TERT: variants seen among roughly 807,000 people sequenced by gnomAD.
TERT encodes the protein telomerase catalytic subunit.
In TERT, 42 loss-of-function variants were observed where a neutral mutation model predicts 104.0. The ratio of observed to expected loss-of-function variants is 0.40; its 90% confidence interval spans 0.32 to 0.52. The LOEUF (loss-of-function observed/expected upper bound fraction) is 0.52, where lower values mean the gene tolerates loss of function less well. Ranked by LOEUF, TERT falls within the 20% of genes least tolerant of loss-of-function variation. The pLI, the probability that TERT is intolerant of heterozygous loss-of-function variation, is 0.43. For synonymous variants in TERT, 781 were observed against 725.6 expected, an observed-to-expected ratio of 1.08 and a Z score of -1.23; for missense variants, 1,101 against 1,610.3, an observed-to-expected ratio of 0.68 and a Z score of 5.41.
In TERT at chr5:1,261,619, C is replaced by T. The variant is rs1032168665; in HGVS notation, c.2844-1019G>A. Among the ~76,000 whole-genome samples the T allele has an allele frequency of 1.3e-5, 2 of 152,230 alleles. No individual in the cohort carries two copies. The highest frequency in any genetic ancestry group is 3.8e-4 in the East Asian group (2 of 5,202). On this transcript the variant is annotated intron_variant, in intron 11 of 15. Coordinates refer to ENST00000310581, the MANE Select transcript of TERT (RefSeq NM_198253.3). The surrounding 1 kb of genome is among the most constrained non-coding windows in gnomAD (Gnocchi z 7.4). ...CAGGTCTCGCCATCAGTTTCACGTG[C>T]GTTTCTTTGAGGGATGGGTCTCGCT...
In TERT at chr5:1,293,461, TG is replaced by T. The variant is rs2126684234; in HGVS notation, c.1424del (p.Pro475GlnfsTer34). 1 of 1,609,480 alleles carries T rather than the reference TG, an allele frequency of 6.2e-7. No homozygotes were observed. Among genetic ancestry groups the T allele is most frequent in the Non-Finnish European group, 8.5e-7 (1 of 1,178,666 alleles). On this transcript the variant is annotated frameshift_variant, in exon 2 of 16. Coordinates refer to ENST00000310581, the MANE Select transcript of TERT (RefSeq NM_198253.3). LOFTEE classifies it high-confidence loss of function. Reference sequence around the variant, plus strand: ...CGTTGTGCCTGGAGCCCCAGAGGCCTGGGGGCACCAGCCGGCGCAGGCAGGC... The same window carrying T: ...CGTTGTGCCTGGAGCCCCAGAGGCCTGGGGCACCAGCCGGCGCAGGCAGGC... ...VRACLRRLVPPGLWGSRHNER... is the reference protein window; with the variant it reads ...VRACLRRLVPXGLWGSRHNER...
In TERT at chr5:1,268,570, C is replaced by T. The variant is rs1190871830; in HGVS notation, c.2532G>A (p.Leu844=). ...GCTTGTTCTCCATGTCGCCGTAGCA[C>T]AGGCTGCAGAGCAGCGTGGAGAGGA... ...GSILSTLLCS[L]CYGDMENKLF... is the part of the protein sequence containing the mutation. Residue 844 remains leucine (L), a synonymous_variant, in exon 9 of 16, where the codon CTG becomes CTA. Transcript: ENST00000310581. This position sits in a 1 kb window ranked among gnomAD's most constrained non-coding sequence, Gnocchi z 5.5. The T allele has an allele frequency of 1.2e-5, 20 of 1,613,410 alleles. No homozygotes were observed. The highest frequency in any genetic ancestry group is 1.7e-5 in the Non-Finnish European group (20 of 1,180,036).
At chr5:1,275,998 A>G (rs1288879138) in intron 6 of TERT, among the ~76,000 whole-genome samples, 3 of 137,828 alleles carry the variant, frequency 2.2e-5, no homozygotes, top group African/African-American at 8.3e-5. Context: ...AACTCCACAG[A>G]TCCCCACCTA....
rs1439876263 is a variant in TERT at position 1,294,893 on chromosome 5, GC to G, written c.96del (p.Gln34ArgfsTer44). 2 of 1,434,890 alleles carry G rather than the reference GC, an allele frequency of 1.4e-6. No homozygotes were observed. The highest frequency in any genetic ancestry group is 1.4e-5 in the South Asian group (1 of 70,870). The allele number at this position is 1,434,890 out of a possible 1,614,324, so 88.9% of individuals were successfully genotyped here. ...LPLATFVRRL[G>X]PQGWRLVQRG... is the part of the protein sequence containing the mutation. ...CGCTGCACCAGCCGCCAGCCCTGGG[GC>G]CCCAGGCGCCGCACGAACGTGGCCA... On this transcript the variant is annotated frameshift_variant, in exon 1 of 16. Transcript: ENST00000310581. LOFTEE classifies it high-confidence loss of function.
intron 9 of TERT, among the ~76,000 whole-genome samples, chr5:1,267,425 G>A (rs1748687199): frequency 6.6e-6 from 1 of 152,216 alleles, no homozygotes; most frequent in Non-Finnish European, 1.5e-5. Flanking sequence ...AGACAGTGTG[G>A]TGATTCCTCA....
rs113942897 is a variant in TERT at position 1,257,887 on chromosome 5, G to A, written c.3032+711C>T. 7.2e-5 allele frequency among the ~76,000 whole-genome samples: 11 copies of A among 152,340 alleles called. No homozygotes were observed. Among genetic ancestry groups the A allele is most frequent in the South Asian group, 2.1e-4 (1 of 4,834 alleles). On this transcript the variant is annotated intron_variant, in intron 13 of 15. Coordinates refer to ENST00000310581, the MANE Select transcript of TERT (RefSeq NM_198253.3). The surrounding 1 kb of genome is among the most constrained non-coding windows in gnomAD (Gnocchi z 5.6). ...CCTGGCATTCAGCTCCCAGTGGCTC[G>A]GGAGGCCTGTTGAGGTGGAGGCCCG...
Position 1,268,975 on chromosome 5 carries a change from CTTTT to C in TERT, c.2469-346_2469-343del, listed in dbSNP as rs143199675. 1.4e-5 allele frequency among the ~76,000 whole-genome samples: 2 copies of C among 146,470 alleles called. No individual in the cohort carries two copies. Among genetic ancestry groups the C allele is most frequent in the African/African-American group, 5.0e-5 (2 of 40,118 alleles). ...CCGGAATGAATGCTTAACCGGACTC[CTTTT>C]TTTTTTTTCAAGGAATTTGTCCACG... On this transcript the variant is annotated intron_variant, in intron 8 of 15. Coordinates refer to ENST00000310581, the MANE Select transcript of TERT (RefSeq NM_198253.3). The surrounding 1 kb of genome is among the most constrained non-coding windows in gnomAD (Gnocchi z 5.5).
chr5:1,279,159 T>TCAA, intron 5 of TERT, 132 bp downstream of exon 5: 1 of 1,083,456 alleles, frequency 9.2e-7, no homozygotes, highest in Admixed American at 2.5e-5. Context: ...AGGTGTGTCC[T>TCAA]CAACAGTGAC....
chr5:1,256,224 G>T lies in TERT; in HGVS notation c.3033-813C>A, dbSNP rs1747719562. Among the ~76,000 whole-genome samples, 1 of 151,916 alleles carries T rather than the reference G, an allele frequency of 6.6e-6. No homozygotes were observed. ...AGATGGGGTTCTACTATGTTGCTCA[G>T]GCTGGTCTTAAACTCCTGGGCTCAA... On this transcript the variant is annotated intron_variant, in intron 13 of 15. Coordinates refer to ENST00000310581, the MANE Select transcript of TERT (RefSeq NM_198253.3). This position sits in a 1 kb window ranked among gnomAD's most constrained non-coding sequence, Gnocchi z 7.0.
intron 5 of TERT, 120 bp downstream of exon 5, chr5:1,279,171 G>T: frequency 8.5e-7 from 1 of 1,178,384 alleles, no homozygotes; most frequent in Non-Finnish European, 1.2e-6. Flanking sequence ...AACAGTGACA[G>T]GGTCACCTGC....
Position 1,260,592 on chromosome 5 carries a change from C to T in TERT, c.2852G>A (p.Arg951Gln), listed in dbSNP as rs755707625. ...GGTGAGACTGGCTCTGATGGAGGTC[C>T]GGGCATAGCTGAGACACAGGGGGGA... The part of the protein sequence containing the change: ...EVQSDYSSYA[R>Q]TSIRASLTFN... Residue 951 changes from arginine (R) to glutamine (Q), a missense_variant, in exon 12 of 16, where the codon CGG becomes CAG. Physicochemically the swap from Arg to Gln is conservative, Grantham distance 43. Transcript: ENST00000310581. 18 of 1,613,844 alleles carry T rather than the reference C, an allele frequency of 1.1e-5. No individual in the cohort carries two copies. The highest frequency in any genetic ancestry group is 3.3e-4 in the Middle Eastern group (2 of 6,082).
At chr5:1,258,489 T>C in intron 13 of TERT, 109 bp downstream of exon 13, 5 of 990,320 alleles carry the variant, frequency 5.0e-6, no homozygotes, top group Middle Eastern at 2.2e-4. Flanking sequence ...ACGTAAGACA[T>C]TCCTTGCCCC....
rs543818650 is a variant in TERT, at chr5:1,293,970, C to T, written c.916G>A (p.Gly306Ser). The T allele has an allele frequency of 1.9e-6, 3 of 1,558,170 alleles. No individual in the cohort carries two copies. The South Asian group carries it at 3.5e-5, about 18-fold the overall frequency. ...GGTGGCCGCGATGTGGATGGGGGGC[C>T]CGCGTGGTGCTGGCGGCCCACGGAT... The part of the protein sequence containing the change: ...HPSVGRQHHA[G>S]PPSTSRPPRP... The change falls in exon 2 of 16, where the codon GGC becomes AGC. Residue 306 changes from glycine (G) to serine (S), a missense_variant. This residue lies in a region of TERT where 504 missense variants were observed against 544.6 expected (regional missense o/e 0.93). Coordinates refer to ENST00000310581, the MANE Select transcript of TERT (RefSeq NM_198253.3).
At position 1,274,713 on chromosome 5, in the gene TERT, T is replaced by G. The variant is rs929186324; in HGVS notation, c.2287-2433A>C. 6.6e-6 allele frequency among the ~76,000 whole-genome samples: 1 copy of G among 152,188 alleles called. No homozygotes were observed. Among genetic ancestry groups the G allele is most frequent in the African/African-American group, 2.4e-5 (1 of 41,434 alleles). ...ACCTAGCCTCCCGCTGTGCGCCGGG[T>G]TCCTAACAGGCCCCAGACCGGTGCC... On this transcript the variant is annotated intron_variant, in intron 6 of 15. Transcript: ENST00000310581. The surrounding 1 kb of genome is among the most constrained non-coding windows in gnomAD (Gnocchi z 5.3).
Position 1,286,695 on chromosome 5 carries a change from T to C in TERT, c.1574-4071A>G, listed in dbSNP as rs1327234693. On this transcript the variant is annotated intron_variant, in intron 2 of 15. Coordinates refer to ENST00000310581, the MANE Select transcript of TERT (RefSeq NM_198253.3). The surrounding 1 kb of genome is among the most constrained non-coding windows in gnomAD (Gnocchi z 5.3). ...GAGTTTGAGACCAGCCTGGCCAACA[T>C]GGTGAAAGCCTATCTCTACTAAAAA... 6.6e-6 allele frequency among the ~76,000 whole-genome samples: 1 copy of C among 151,878 alleles called. No individual in the cohort carries two copies. The highest frequency in any genetic ancestry group is 1.5e-5 in the Non-Finnish European group (1 of 67,958).
Position 1,268,045 on chromosome 5 carries a change from G to A in TERT, c.2582+475C>T, listed in dbSNP as rs1028386994. 4.6e-5 allele frequency among the ~76,000 whole-genome samples: 7 copies of A among 152,164 alleles called. No homozygotes were observed. The South Asian group carries it at 8.3e-4, about 18-fold the overall frequency. On this transcript the variant is annotated intron_variant, in intron 9 of 15. Transcript: ENST00000310581. This position sits in a 1 kb window ranked among gnomAD's most constrained non-coding sequence, Gnocchi z 5.5. ...GAGTTGAACCACATTAGGTTGGCACGATATTTAGGTGTGTGCGTCCTTGGG... is the reference window on the plus strand; with the variant it reads ...GAGTTGAACCACATTAGGTTGGCACAATATTTAGGTGTGTGCGTCCTTGGG...
Position 1,253,464 on chromosome 5 carries a change from G to A in TERT, c.*264C>T, listed in dbSNP as rs1055184670. 2 of 576,224 alleles carry A rather than the reference G, an allele frequency of 3.5e-6. No individual in the cohort carries two copies. Among genetic ancestry groups the A allele is most frequent in the African/African-American group, 3.7e-5 (2 of 53,488 alleles). The allele number at this position is 576,224 out of a possible 1,614,324, so 35.7% of individuals were successfully genotyped here. A position where few individuals can be genotyped will look rare whatever the true frequency, so the allele number is the denominator to read the frequency against. ...TCCTGGTGAGGAAAAGCTGGCCCTG[G>A]GGTGGAGCCGAGCGCCAGCCTGTGG... On this transcript the variant is annotated 3_prime_UTR_variant, in exon 16 of 16. Coordinates refer to ENST00000310581, the MANE Select transcript of TERT (RefSeq NM_198253.3).
At position 1,294,063 on chromosome 5, in the gene TERT, G is replaced by A. The variant is rs758074759; in HGVS notation, c.823C>T (p.Pro275Ser). 1.3e-6 allele frequency: 2 copies of A among 1,590,024 alleles called. No homozygotes were observed. The highest frequency in any genetic ancestry group is 3.5e-5 in the Admixed American group (2 of 57,768). Residue 275 changes from proline to serine, a missense_variant, in exon 2 of 16, where the codon CCT becomes TCT. Physicochemically the swap from Pro to Ser is moderately conservative, Grantham distance 74. Coordinates refer to ENST00000310581, the MANE Select transcript of TERT (RefSeq NM_198253.3). Reference protein sequence around the residue: ...PSDRGFCVVSPARPAEEATSL... With the variant: ...PSDRGFCVVSSARPAEEATSL... The stretch of plus-strand genomic sequence containing the variant: ...GTGGCTTCTTCGGCGGGTCTGGCAG[G>A]TGACACCACACAGAAACCACGGTCA...
chr5:1,282,586 C>G lies in TERT; in HGVS notation c.1612G>C (p.Glu538Gln). The change falls in exon 3 of 16, where the codon GAG (glutamate) becomes CAG (glutamine). Residue 538 changes from glutamate (E) to glutamine (Q), a missense_variant. Around this residue, in one of 5 missense-constraint regions of TERT, gnomAD observed 504 missense variants for 544.6 expected, o/e 0.93. Transcript: ENST00000310581. Reference sequence around the variant, plus strand: ...TGCAGGAACTTGGCCAGGATCTCCTCACGCAGACGGTGCTCTGCGGCCGGA... The same window carrying G: ...TGCAGGAACTTGGCCAGGATCTCCTGACGCAGACGGTGCTCTGCGGCCGGA... ...CVPAAEHRLR[E>Q]EILAKFLHWL... The G allele has an allele frequency of 6.2e-7, 1 of 1,614,108 alleles. No individual in the cohort carries two copies. The highest frequency in any genetic ancestry group is 1.6e-4 in the Middle Eastern group (1 of 6,062).
Sources: gnomAD v4.1 joint callset for allele counts (sites outside exome capture counted in the v4.1 genomes callset) on GRCh38, gnomAD v4.1.1 for gene constraint, gnomAD v4.1.1 regional missense constraint, Gnocchi (gnomAD v3.1) non-coding constraint, MANE v1.5 for transcripts, NCBI Gene and HGNC (gene_info 2026-07-23, HGNC 2026-07-21) for gene names.